The following RTCA variants were observed in gnomAD, a reference collection of about 807,000 sequenced individuals.
The protein encoded by RTCA is RNA 3'-terminal phosphate cyclase.
RTCA carries 37 observed loss-of-function variants against 46.1 expected under a neutral mutation model. The ratio of observed to expected loss-of-function variants is 0.80; its 90% confidence interval spans 0.62 to 1.06. RTCA has a LOEUF of 1.06. RTCA is among the 50% of genes least tolerant of loss of function. RTCA has a pLI of 0.00. For missense variants in RTCA, 435 were observed against 455.5 expected, an observed-to-expected ratio of 0.95 and a Z score of 0.41; for synonymous variants, 164 against 158.3, an observed-to-expected ratio of 1.04 and a Z score of -0.27.
intron 7 of RTCA, among the ~76,000 whole-genome samples, chr1:100,276,382 T>G (rs1387309533): frequency 2.0e-5 from 3 of 152,246 alleles, no homozygotes; most frequent in African/African-American, 7.2e-5. Context: ...AAGAGCTTTT[T>G]AAAACCAGAC....
chr1:100,270,629 G>A lies in RTCA; in HGVS notation c.363G>A (p.Leu121=), dbSNP rs1423901291. ...LFAASPSELH[L]KGGTNAEMAP... ...CTGCTTCTCCATCAGAACTTCATTTGAAAGGTGGAACTAATGCTGAAATGG... is the reference window on the plus strand; with the variant it reads ...CTGCTTCTCCATCAGAACTTCATTTAAAAGGTGGAACTAATGCTGAAATGG... The change falls in exon 4 of 11, where the codon TTG becomes TTA. Residue 121 remains leucine, a synonymous_variant. Transcript: ENST00000370128. 1 of 1,614,094 alleles carries A rather than the reference G, an allele frequency of 6.2e-7. No homozygotes were observed. Among genetic ancestry groups the A allele is most frequent in the Non-Finnish European group, 8.5e-7 (1 of 1,179,978 alleles).
chr1:100,271,939 C>T (rs113799451), intron 4 of RTCA, among the ~76,000 whole-genome samples: 63 of 152,144 alleles, frequency 4.1e-4, no homozygotes, highest in Admixed American at 3.9e-3. Context: ...TAATACTGTA[C>T]GTAGGCTTTG....
Position 100,291,390 on chromosome 1 carries a change from C to T in RTCA, c.1000-13C>T, listed in dbSNP as rs200257072. The T allele has an allele frequency of 6.4e-7, 1 of 1,574,428 alleles. No individual in the cohort carries two copies. The highest frequency in any genetic ancestry group is 1.7e-5 in the Admixed American group (1 of 58,508). The stretch of plus-strand genomic sequence containing the variant: ...CTCTTCGTATTACTTATATACTCCT[C>T]TTCTGATTTCAGGCTAAATTTATTG... On this transcript the variant is annotated splice_polypyrimidine_tract_variant and intron_variant, in intron 10 of 10. Transcript: ENST00000370128.
intron 8 of RTCA, among the ~76,000 whole-genome samples, chr1:100,281,995 C>T (rs541713861): frequency 2.0e-5 from 3 of 152,242 alleles, no homozygotes; most frequent in East Asian, 1.9e-4. Flanking sequence ...CGTGAGCCAC[C>T]GTGCCGGCCT....
chr1:100,266,391 G>A lies in RTCA; in HGVS notation c.16G>A (p.Val6Met), dbSNP rs1665773087. Residue 6 changes from valine (V) to methionine (M), a missense_variant, in exon 1 of 11, where the codon GTG becomes ATG. By Grantham distance (21) the Val-to-Met change is conservative (BLOSUM62 1). Coordinates refer to ENST00000370128, the MANE Select transcript of RTCA (RefSeq NM_003729.4). ...GGTGTCCCCCATGGCGGGGCCGCGG[G>A]TGGAGGTCGATGGCAGCATCATGGA... MAGPR[V>M]EVDGSIMEGG... 6.2e-7 allele frequency: 1 copy of A among 1,612,614 alleles called. No individual in the cohort carries two copies. Among genetic ancestry groups the A allele is most frequent in the Non-Finnish European group, 8.5e-7 (1 of 1,179,584 alleles).
chr1:100,286,024 A>G (rs1667003982), intron 9 of RTCA, among the ~76,000 whole-genome samples: 1 of 152,142 alleles, frequency 6.6e-6, no homozygotes. Flanking sequence ...GTCCAGTCTC[A>G]TGGCTTAAGT....
chr1:100,280,735 C>T (rs1666663749), intron 8 of RTCA, among the ~76,000 whole-genome samples: 2 of 152,144 alleles, frequency 1.3e-5, no homozygotes, highest in African/African-American at 2.4e-5. Context: ...GGTGTGGTGG[C>T]GTATGCCTGT....
chr1:100,279,640 A>G (rs1557977621), intron 8 of RTCA, among the ~76,000 whole-genome samples: 1 of 151,756 alleles, frequency 6.6e-6, no homozygotes, highest in African/African-American at 2.4e-5. Context: ...GTAGCCCCAT[A>G]TGGTGGCTCA....
At chr1:100,276,598 A>G (rs551819020) in intron 7 of RTCA, among the ~76,000 whole-genome samples, 11 of 152,140 alleles carry the variant, frequency 7.2e-5, no homozygotes, top group South Asian at 2.1e-4. Context: ...AATCACTTGA[A>G]CCTGGGAGGC....
chr1:100,274,808 G>A lies in RTCA; in HGVS notation c.474-16G>A. ...ATGCAATCAGTTTATGTGGGCATTT[G>A]TTATACTTTTCATAGGGGATATTAC... On this transcript the variant is annotated splice_polypyrimidine_tract_variant and intron_variant, in intron 5 of 10. Coordinates refer to ENST00000370128, the MANE Select transcript of RTCA (RefSeq NM_003729.4). 1 of 1,598,626 alleles carries A rather than the reference G, an allele frequency of 6.3e-7. No homozygotes were observed. Among genetic ancestry groups the A allele is most frequent in the Non-Finnish European group, 8.5e-7 (1 of 1,169,730 alleles).
At chr1:100,266,453 C>T (rs948872684) in intron 1 of RTCA, 33 bp downstream of exon 1, 1 of 1,608,114 alleles carries the variant, frequency 6.2e-7, no homozygotes. Flanking sequence ...GGGGCTGCAG[C>T]CTAACTAAGG....
At chr1:100,288,216 C>T (rs766647906) in intron 10 of RTCA, among the ~76,000 whole-genome samples, 1 of 152,210 alleles carries the variant, frequency 6.6e-6, no homozygotes, top group Non-Finnish European at 1.5e-5. Context: ...CCACTGTTGA[C>T]ATTTAGGTGT....
intron 7 of RTCA, among the ~76,000 whole-genome samples, chr1:100,276,471 G>A (rs532932973): frequency 6.6e-6 from 1 of 152,282 alleles, no homozygotes; most frequent in East Asian, 1.9e-4. Flanking sequence ...AAGGTCAAGA[G>A]ATCAAGATCA....
chr1:100,281,654 T>C (rs1034153072), intron 8 of RTCA, among the ~76,000 whole-genome samples: 1 of 152,202 alleles, frequency 6.6e-6, no homozygotes, highest in East Asian at 1.9e-4. Context: ...GCCTCACTTA[T>C]AGCAAGCACC....
chr1:100,266,443 G>C, intron 1 of RTCA, 23 bp downstream of exon 1: 1 of 1,609,076 alleles, frequency 6.2e-7, no homozygotes, highest in Non-Finnish European at 8.5e-7. Context: ...CGAAGCGGCC[G>C]GGGCTGCAGC....
At chr1:100,268,443 G>A (rs1190142820) in intron 3 of RTCA, 148 bp downstream of exon 3, 22 of 668,328 alleles carry the variant, frequency 3.3e-5, no homozygotes, top group Middle Eastern at 4.2e-4. Flanking sequence ...TTGCCCAGGC[G>A]GGGGTGCAGT....
chr1:100,267,437 CT>C, intron 2 of RTCA: 2 of 1,416,838 alleles, frequency 1.4e-6, no homozygotes, highest in Non-Finnish European at 1.9e-6. Context: ...TTTGCTAGGG[CT>C]GCCATAACAA....
intron 5 of RTCA, among the ~76,000 whole-genome samples, chr1:100,274,195 C>G (rs987953680): frequency 6.6e-6 from 1 of 152,100 alleles, no homozygotes; most frequent in Non-Finnish European, 1.5e-5. Context: ...TATAGCCTGA[C>G]CTGTATTCTA....
chr1:100,286,110 TC>T (rs1176814773), intron 9 of RTCA, among the ~76,000 whole-genome samples: 1 of 152,110 alleles, frequency 6.6e-6, no homozygotes, highest in Non-Finnish European at 1.5e-5. Flanking sequence ...GCTCATAATA[TC>T]CCCTATGCCT....
Sources: allele counts gnomAD v4.1 joint callset (sites outside exome capture counted in the v4.1 genomes callset), GRCh38; gene constraint gnomAD v4.1.1; transcripts MANE v1.5; gene names NCBI Gene and HGNC (gene_info 2026-07-23, HGNC 2026-07-21).